Variants in DRC11 observed in about 807,000 individuals in gnomAD.
DRC11 encodes IQ and AAA domain-containing protein 1.
chr2:236,383,633 AT>A, the DRC11 span, among the ~76,000 whole-genome samples: 5,171 of 122,494 alleles, frequency 0.042, 81 homozygotes, highest in African/African-American at 0.069. Context: ...TTGTGTGGTC[AT>A]TTTTTTTTTT....
the DRC11 span, among the ~76,000 whole-genome samples, chr2:236,310,131 C>G: frequency 1.3e-5 from 2 of 152,154 alleles, no homozygotes; most frequent in Non-Finnish European, 1.5e-5. This position sits in a 1 kb window ranked among gnomAD's most constrained non-coding sequence, Gnocchi z 5.5. Flanking sequence ...GGAGGACAGG[C>G]CCATGAAGCA....
At chr2:236,497,217 T>TTCCAG in the DRC11 span, 2 of 1,613,234 alleles carry the variant, frequency 1.2e-6, no homozygotes, top group Non-Finnish European at 1.7e-6. The surrounding 1 kb of genome is among the most constrained non-coding windows in gnomAD (Gnocchi z 5.1). Context: ...ACTCCGTGAG[T>TTCCAG]TCCAGCTCCA....
At chr2:236,470,426 C>A in the DRC11 span, among the ~76,000 whole-genome samples, 2 of 152,030 alleles carry the variant, frequency 1.3e-5, no homozygotes, top group Non-Finnish European at 2.9e-5. This position sits in a 1 kb window ranked among gnomAD's most constrained non-coding sequence, Gnocchi z 5.1. Flanking sequence ...AGCACCACGG[C>A]CCCCCTGGAC....
At chr2:236,389,049 C>A in the DRC11 span, among the ~76,000 whole-genome samples, 1 of 152,080 alleles carries the variant, frequency 6.6e-6, no homozygotes, top group Non-Finnish European at 1.5e-5. Flanking sequence ...GCTGGGAGAA[C>A]CACTGCTCTC....
At chr2:236,447,467 C>T in the DRC11 span, among the ~76,000 whole-genome samples, 2 of 148,690 alleles carry the variant, frequency 1.3e-5, no homozygotes, top group Non-Finnish European at 2.9e-5. This position sits in a 1 kb window ranked among gnomAD's most constrained non-coding sequence, Gnocchi z 4.6. Context: ...TTATCTCCTC[C>T]ATGACAGCAT....
At chr2:236,365,072 C>T in the DRC11 span, among the ~76,000 whole-genome samples, 1 of 152,012 alleles carries the variant, frequency 6.6e-6, no homozygotes. This position sits in a 1 kb window ranked among gnomAD's most constrained non-coding sequence, Gnocchi z 7.4. Context: ...ATTCATTTGC[C>T]CTGCGTTGGA....
At chr2:236,356,781 G>T in the DRC11 span, among the ~76,000 whole-genome samples, 2 of 150,182 alleles carry the variant, frequency 1.3e-5, no homozygotes, top group Admixed American at 6.7e-5. Context: ...TGGTACCTGG[G>T]GGGTGGCGGG....
chr2:236,407,335 A>G, the DRC11 span, among the ~76,000 whole-genome samples: 1 of 152,160 alleles, frequency 6.6e-6, no homozygotes, highest in Non-Finnish European at 1.5e-5. Context: ...AATAAACCAC[A>G]TTTCTCACAT....
At chr2:236,495,448 T>G in the DRC11 span, among the ~76,000 whole-genome samples, 136 of 152,292 alleles carry the variant, frequency 8.9e-4, no homozygotes, top group African/African-American at 3.1e-3. The surrounding 1 kb of genome is among the most constrained non-coding windows in gnomAD (Gnocchi z 5.6). Context: ...CCATGATGCG[T>G]TTCATGTCCA....
the DRC11 span, chr2:236,377,155 C>T: frequency 1.2e-6 from 2 of 1,612,852 alleles, no homozygotes; most frequent in Non-Finnish European, 1.7e-6. The surrounding 1 kb of genome is among the most constrained non-coding windows in gnomAD (Gnocchi z 4.9). Context: ...ATCCTTCTTC[C>T]ACCAGTTCCT....
chr2:236,490,803 A>T, the DRC11 span, among the ~76,000 whole-genome samples: 1 of 151,472 alleles, frequency 6.6e-6, no homozygotes, highest in African/African-American at 2.4e-5. The surrounding 1 kb of genome is among the most constrained non-coding windows in gnomAD (Gnocchi z 5.5). Context: ...GTGTGTCTGC[A>T]TGCGTGTGTG....
the DRC11 span, chr2:236,338,085 G>C: frequency 3.9e-4 from 358 of 909,440 alleles, 2 homozygotes; most frequent in African/African-American, 5.4e-3. Context: ...ACCCCACCGG[G>C]TGCAGGCTCC....
chr2:236,471,691 C>G, the DRC11 span, among the ~76,000 whole-genome samples: 208 of 152,286 alleles, frequency 1.4e-3, 2 homozygotes, highest in African/African-American at 4.9e-3. This position sits in a 1 kb window ranked among gnomAD's most constrained non-coding sequence, Gnocchi z 4.6. Context: ...GGCGTTATTA[C>G]TACCTCCATT....
chr2:236,380,539 G>T, the DRC11 span: 1 of 1,519,304 alleles, frequency 6.6e-7, no homozygotes, highest in African/African-American at 1.4e-5. The surrounding 1 kb of genome is among the most constrained non-coding windows in gnomAD (Gnocchi z 4.9). Context: ...CTGCTCACGC[G>T]CATCACAACA....
the DRC11 span, chr2:236,331,673 A>G: frequency 9.2e-7 from 1 of 1,088,988 alleles, no homozygotes; most frequent in Non-Finnish European, 1.4e-6. The surrounding 1 kb of genome is among the most constrained non-coding windows in gnomAD (Gnocchi z 4.8). Context: ...CTCGGTTGAA[A>G]GTTGCATCTC....
the DRC11 span, among the ~76,000 whole-genome samples, chr2:236,434,676 T>C: frequency 6.6e-6 from 1 of 152,322 alleles, no homozygotes; most frequent in Admixed American, 6.5e-5. This position sits in a 1 kb window ranked among gnomAD's most constrained non-coding sequence, Gnocchi z 5.5. Context: ...TGCTTTGTGG[T>C]CTCCTCTGTT....
chr2:236,358,347 A>G, the DRC11 span, among the ~76,000 whole-genome samples: 2 of 138,868 alleles, frequency 1.4e-5, no homozygotes, highest in African/African-American at 5.3e-5. Context: ...ATATAGATAT[A>G]TACTATATGA....
chr2:236,354,286 T>TGTGCACATGTGTGCGTGTGTGTGTATGA, the DRC11 span, among the ~76,000 whole-genome samples: 7 of 57,754 alleles, frequency 1.2e-4, no homozygotes, highest in African/African-American at 6.5e-4. Context: ...TATGAGTTTA[T>TGTGCACATGTGTGCGTGTGTGTGTATGA]GTTAGTGTGT....
chr2:236,406,790 G>C, the DRC11 span, among the ~76,000 whole-genome samples: 1 of 150,664 alleles, frequency 6.6e-6, no homozygotes, highest in African/African-American at 2.4e-5. This position sits in a 1 kb window ranked among gnomAD's most constrained non-coding sequence, Gnocchi z 4.7. Context: ...CTGTTGCCCA[G>C]GCTGGAGTGC....
Sources: allele counts gnomAD v4.1 joint callset (sites outside exome capture counted in the v4.1 genomes callset), GRCh38; gene constraint gnomAD v4.1.1; non-coding constraint Gnocchi (gnomAD v3.1); transcripts MANE v1.5; gene names NCBI Gene and HGNC (gene_info 2026-07-23, HGNC 2026-07-21).